The following EXT2 variants were observed in gnomAD, a reference collection of about 807,000 sequenced individuals.
EXT2 encodes the protein exostosin glycosyltransferase 2.
Under a neutral mutation model 81.6 loss-of-function variants are expected in EXT2, and 53 were observed. The observed-to-expected ratio is 0.65, with a 90% CI of 0.52 to 0.82. The LOEUF is 0.82. Ranked by LOEUF, EXT2 falls within the 40% of genes least tolerant of loss-of-function variation. EXT2 has a pLI of 0.00. For synonymous variants in EXT2, 320 were observed against 340.0 expected (o/e 0.94, Z 0.65); for missense variants, 774 against 910.2 (o/e 0.85, Z 1.93).
At chr11:44,116,445 G>C (rs1954221743) in intron 4 of EXT2, 1 of 152,136 alleles carries the variant, frequency 6.6e-6, no homozygotes, top group African/African-American at 2.4e-5. Flanking sequence ...ATTTCCACCT[G>C]TTAGCTCTTA....
intron 8 of EXT2, among the ~76,000 whole-genome samples, chr11:44,193,599 A>G (rs1351360565): frequency 6.6e-6 from 1 of 152,256 alleles, no homozygotes; most frequent in Non-Finnish European, 1.5e-5. Context: ...CAAACATGCT[A>G]ACTCAATTTT....
At chr11:44,230,850 T>C (rs1282134709) in intron 10 of EXT2, among the ~76,000 whole-genome samples, 1 of 152,166 alleles carries the variant, frequency 6.6e-6, no homozygotes, top group Non-Finnish European at 1.5e-5. Context: ...GAAAAGGGCA[T>C]AGGGTCCAAA....
chr11:44,238,286 G>A (rs1003527514), intron 13 of EXT2, among the ~76,000 whole-genome samples: 1 of 152,126 alleles, frequency 6.6e-6, no homozygotes, highest in Admixed American at 6.5e-5. Flanking sequence ...AGGCTCAAGT[G>A]GTCCTCTCAT....
intron 7 of EXT2, among the ~76,000 whole-genome samples, chr11:44,152,443 T>G (rs1341808826): frequency 6.6e-6 from 1 of 152,136 alleles, no homozygotes; most frequent in African/African-American, 2.4e-5. Context: ...CTCCTCCTTC[T>G]GGGTTCAAGC....
At chr11:44,226,860 T>C (rs962094737) in intron 10 of EXT2, among the ~76,000 whole-genome samples, 2 of 152,256 alleles carry the variant, frequency 1.3e-5, no homozygotes, top group Admixed American at 1.3e-4. Flanking sequence ...TGGTTAAGGA[T>C]TGACCAAACT....
At chr11:44,141,813 T>A (rs1954649894) in intron 7 of EXT2, among the ~76,000 whole-genome samples, 1 of 152,206 alleles carries the variant, frequency 6.6e-6, no homozygotes. Context: ...TTGCAGCCTA[T>A]GTAAGAAATC....
At position 44,243,567 on chromosome 11, in the gene EXT2, A is replaced by G. The variant is rs370873359; in HGVS notation, c.2019-582A>G. 3.4e-5 allele frequency among the ~76,000 whole-genome samples: 5 copies of G among 149,224 alleles called. No individual in the cohort carries two copies. In the South Asian group the frequency reaches 6.4e-4, roughly 19 times the overall value. ...ATTGCCACTTACAGGCCCTCTGTCA[A>G]TGTTGGTTGAATGAATGAAGTGTTT... is the stretch of plus-strand genomic sequence containing the variant. On this transcript the variant is annotated intron_variant, in intron 13 of 13. Transcript: ENST00000533608.
chr11:44,239,536 G>A (rs979136816), intron 13 of EXT2, among the ~76,000 whole-genome samples: 1 of 151,634 alleles, frequency 6.6e-6, no homozygotes, highest in African/African-American at 2.4e-5. Flanking sequence ...GGGACTACAG[G>A]CACGTGGCAC....
intron 10 of EXT2, among the ~76,000 whole-genome samples, chr11:44,217,577 T>C (rs944244197): frequency 1.3e-5 from 2 of 152,246 alleles, no homozygotes; most frequent in African/African-American, 2.4e-5. Context: ...AATTTATTTA[T>C]CTGTTTATGT....
At position 44,119,149 on chromosome 11, in the gene EXT2, T is replaced by TAC. The variant is rs1565201193; in HGVS notation, c.743+4849_743+4850insCA. 8.9e-4 allele frequency among the ~76,000 whole-genome samples: 47 copies of TAC among 53,014 alleles called. 4 individuals are homozygous for TAC. The East Asian group carries it at 0.028, about 32-fold the overall frequency. The allele number at this position is 53,014 out of a possible 152,430, so 34.8% of individuals were successfully genotyped here. ...TTATATATATATATATATATATATA[T>TAC]ATATATATATATATATATATACACA... On this transcript the variant is annotated intron_variant, in intron 4 of 13. Coordinates refer to ENST00000533608, the MANE Select transcript of EXT2 (RefSeq NM_207122.2).
At position 44,251,940 on chromosome 11, in the gene EXT2, A is replaced by G. The variant is rs1956141509; in HGVS notation, c.*7653A>G. On this transcript the variant is annotated 3_prime_UTR_variant, in exon 14 of 14. Transcript: ENST00000533608. The stretch of plus-strand genomic sequence containing the variant: ...TGACTGAATATAATTTCAAATGTCA[A>G]TAAATGCTGTGAAGAAAATAAAGCA... Among the ~76,000 whole-genome samples the G allele has an allele frequency of 6.6e-6, 1 of 152,252 alleles. No individual in the cohort carries two copies. Among genetic ancestry groups the G allele is most frequent in the Admixed American group, 6.5e-5 (1 of 15,284 alleles).
intron 7 of EXT2, among the ~76,000 whole-genome samples, chr11:44,162,896 C>T (rs373971420): frequency 2.6e-5 from 4 of 152,054 alleles, no homozygotes; most frequent in South Asian, 4.2e-4. Flanking sequence ...ATGTTTTATG[C>T]GGCAAGGTGT....
chr11:44,226,254 G>A (rs553537984), intron 10 of EXT2, among the ~76,000 whole-genome samples: 71 of 152,308 alleles, frequency 4.7e-4, no homozygotes, highest in African/African-American at 1.6e-3. Context: ...GTTTTCCTGC[G>A]TGGCTTATTT....
intron 7 of EXT2, among the ~76,000 whole-genome samples, chr11:44,140,412 G>A (rs924926098): frequency 5.9e-5 from 9 of 152,182 alleles, no homozygotes; most frequent in Non-Finnish European, 1.3e-4. Flanking sequence ...GTCAGCCTGC[G>A]ATGCTTGGCC....
At chr11:44,097,696 T>C (rs1250132174) in intron 1 of EXT2, among the ~76,000 whole-genome samples, 2 of 150,694 alleles carry the variant, frequency 1.3e-5, no homozygotes, top group Admixed American at 6.7e-5. Flanking sequence ...GAGGCTGAGG[T>C]TGTAGTGAGT....
rs1955642618 is a variant in EXT2, at chr11:44,211,108, A to G, written c.1662+4149A>G. 2.0e-5 allele frequency among the ~76,000 whole-genome samples: 3 copies of G among 152,242 alleles called. No individual in the cohort carries two copies. The South Asian group carries it at 6.2e-4, about 31-fold the overall frequency. On this transcript the variant is annotated intron_variant, in intron 10 of 13. Transcript: ENST00000533608. ...GTGGTATTGGTATAAATTTAGATATATAGGACAATGAAACAGAATAAAGAG... is the reference window on the plus strand; with the variant it reads ...GTGGTATTGGTATAAATTTAGATATGTAGGACAATGAAACAGAATAAAGAG...
chr11:44,223,641 A>G (rs1908474), intron 10 of EXT2, among the ~76,000 whole-genome samples: 28 of 150,536 alleles, frequency 1.9e-4, no homozygotes, highest in African/African-American at 6.3e-4. Context: ...GGAGGGAGAC[A>G]GTTGTGTGTC....
intron 4 of EXT2, among the ~76,000 whole-genome samples, chr11:44,121,955 C>G (rs2135007306): frequency 6.6e-6 from 1 of 152,200 alleles, no homozygotes; most frequent in Non-Finnish European, 1.5e-5. Context: ...CTTGAACATT[C>G]CACGTGCGCC....
At chr11:44,214,463 A>T (rs1955693103) in intron 10 of EXT2, among the ~76,000 whole-genome samples, 1 of 152,138 alleles carries the variant, frequency 6.6e-6, no homozygotes, top group Non-Finnish European at 1.5e-5. Flanking sequence ...CCCAACCAGC[A>T]GTCTTGCATA....
Sources: gnomAD v4.1 joint callset for allele counts (sites outside exome capture counted in the v4.1 genomes callset) on GRCh38, gnomAD v4.1.1 for gene constraint, MANE v1.5 for transcripts, NCBI Gene and HGNC (gene_info 2026-07-23, HGNC 2026-07-21) for gene names.